FOCAD: variants seen among roughly 807,000 people sequenced by gnomAD.
FOCAD encodes the protein focadhesin, also known as KIAA1797.
Under a neutral mutation model 225.6 loss-of-function variants are expected in FOCAD, and 198 were observed. That is an observed-to-expected ratio of 0.88 (90% CI 0.78 to 0.99). FOCAD has a LOEUF of 0.99. Among genes scored for constraint, FOCAD ranks in the 50% least tolerant of loss-of-function variants. FOCAD has a pLI of 0.00. For missense variants in FOCAD, 2,713 were observed against 2,123.6 expected (o/e 1.28, Z -5.46); for synonymous variants, 897 against 755.0 (o/e 1.19, Z -3.08).
chr9:20,815,137 G>GTTTTTTTTTTTTTTTTTTTTTT lies in FOCAD; in HGVS notation c.1456-4642_1456-4641insTTTTTTTTTTTTTTTTTTTTTT, dbSNP rs71334555. ...TACTTCTCTTTGTTTTTTTTTTTTT[G>GTTTTTTTTTTTTTTTTTTTTTT]TTTTTTTTTTTTTTTTTGAGACAGT... On this transcript the variant is annotated intron_variant, in intron 11 of 43. Coordinates refer to ENST00000338382, the MANE Select transcript of FOCAD (RefSeq NM_001375567.1). Among the ~76,000 whole-genome samples the GTTTTTTTTTTTTTTTTTTTTTT allele has an allele frequency of 5.6e-4, 39 of 69,146 alleles. 1 individual carries two copies. The highest frequency in any genetic ancestry group is 1.7e-3 in the African/African-American group (28 of 16,592). 45.4% of individuals were successfully genotyped at this position (69,146 alleles called of 152,430 possible).
At chr9:20,868,098 C>G (rs1379182007) in intron 18 of FOCAD, among the ~76,000 whole-genome samples, 1 of 152,044 alleles carries the variant, frequency 6.6e-6, no homozygotes, top group Non-Finnish European at 1.5e-5. Context: ...TGTGTTATGA[C>G]TCATACAATT....
At chr9:20,757,244 A>G (rs2130886397) in intron 5 of FOCAD, among the ~76,000 whole-genome samples, 1 of 152,238 alleles carries the variant, frequency 6.6e-6, no homozygotes, top group East Asian at 1.9e-4. Flanking sequence ...TCTTATTTAA[A>G]TATTTTCTTG....
chr9:20,928,219 A>G (rs1164604078), intron 26 of FOCAD, among the ~76,000 whole-genome samples: 1 of 152,012 alleles, frequency 6.6e-6, no homozygotes, highest in Non-Finnish European at 1.5e-5. Context: ...GTCAGCTCTG[A>G]TTGTCTCTTA....
intron 21 of FOCAD, among the ~76,000 whole-genome samples, chr9:20,885,724 A>G (rs1831052108): frequency 6.6e-6 from 1 of 152,182 alleles, no homozygotes; most frequent in African/African-American, 2.4e-5. Flanking sequence ...TAGATGATTT[A>G]TATGAAATCT....
chr9:20,785,447 G>A (rs4978128), intron 10 of FOCAD, among the ~76,000 whole-genome samples: 127,496 of 152,038 alleles, frequency 0.84, 53,577 homozygotes, highest in Admixed American at 0.9. Context: ...TAATCTGCTT[G>A]TAGTCTCTAT....
At chr9:20,696,490 C>T in intron 1 of FOCAD, among the ~76,000 whole-genome samples, 1 of 152,288 alleles carries the variant, frequency 6.6e-6, no homozygotes, top group Non-Finnish European at 1.5e-5. Context: ...GCTTGTCCCT[C>T]TCAAAATTCA....
chr9:20,878,323 G>A (rs557917435), intron 19 of FOCAD, among the ~76,000 whole-genome samples: 2 of 152,258 alleles, frequency 1.3e-5, no homozygotes, highest in Non-Finnish European at 2.9e-5. Context: ...TTTCATTTCT[G>A]TGATCTTCAA....
chr9:20,804,096 C>T (rs999064182), intron 11 of FOCAD, among the ~76,000 whole-genome samples: 3 of 152,000 alleles, frequency 2.0e-5, no homozygotes, highest in Non-Finnish European at 4.4e-5. Context: ...GGGTTCGATT[C>T]ACACCTTTTC....
intron 1 of FOCAD, among the ~76,000 whole-genome samples, chr9:20,714,234 T>G (rs562594488): frequency 2.0e-5 from 3 of 152,332 alleles, no homozygotes; most frequent in South Asian, 2.1e-4. Flanking sequence ...AGCATTTCCT[T>G]TGAGTGTCAC....
Position 20,692,438 on chromosome 9 carries a change from C to T in FOCAD, c.-33+8145C>T, listed in dbSNP as rs181845801. ...AGTCTAAGCCCCCGTTGTTTATGTCCGGATCTTGCAGTAGCCTCTATATTA... is the reference window on the plus strand; with the variant it reads ...AGTCTAAGCCCCCGTTGTTTATGTCTGGATCTTGCAGTAGCCTCTATATTA... On this transcript the variant is annotated intron_variant, in intron 1 of 43. Transcript: ENST00000338382. Among the ~76,000 whole-genome samples the T allele has an allele frequency of 1.3e-5, 2 of 152,258 alleles. 1 individual carries two copies. Among genetic ancestry groups the T allele is most frequent in the Non-Finnish European group, 2.9e-5 (2 of 68,026 alleles).
At chr9:20,843,572 C>T (rs1314977314) in intron 15 of FOCAD, among the ~76,000 whole-genome samples, 1 of 151,916 alleles carries the variant, frequency 6.6e-6, no homozygotes, top group African/African-American at 2.4e-5. Flanking sequence ...TCTTAAATGT[C>T]TTGAGGTAGT....
intron 28 of FOCAD, among the ~76,000 whole-genome samples, chr9:20,935,652 G>T (rs1835878695): frequency 6.6e-6 from 1 of 152,182 alleles, no homozygotes; most frequent in Non-Finnish European, 1.5e-5. Context: ...ACCTGCTTCT[G>T]CCTCCCAAAG....
intron 35 of FOCAD, among the ~76,000 whole-genome samples, chr9:20,975,389 C>A (rs1461029562): frequency 6.6e-6 from 1 of 152,152 alleles, no homozygotes; most frequent in Non-Finnish European, 1.5e-5. Context: ...GATGGACTAG[C>A]TGTTACACAG....
intron 38 of FOCAD, 136 bp downstream of exon 38, chr9:20,981,822 G>C (rs1014847511): frequency 2.1e-6 from 2 of 969,300 alleles, no homozygotes; most frequent in East Asian, 2.5e-5. Context: ...TTCTTTACTA[G>C]GAGTGTATTT....
At chr9:20,869,295 C>A (rs532321777) in intron 18 of FOCAD, among the ~76,000 whole-genome samples, 1 of 151,924 alleles carries the variant, frequency 6.6e-6, no homozygotes, top group East Asian at 1.9e-4. Context: ...CTATGGAAAC[C>A]GGTGGAATAA....
At chr9:20,893,701 G>C (rs1018056230) in intron 21 of FOCAD, among the ~76,000 whole-genome samples, 1 of 151,994 alleles carries the variant, frequency 6.6e-6, no homozygotes, top group South Asian at 2.1e-4. Context: ...TGTAAAAACA[G>C]ACTTTATTTT....
intron 21 of FOCAD, among the ~76,000 whole-genome samples, chr9:20,902,701 A>G (rs1832656445): frequency 6.6e-6 from 1 of 151,884 alleles, no homozygotes; most frequent in African/African-American, 2.4e-5. Context: ...CCAATAAAGG[A>G]AAAAGTTGGG....
At position 20,729,533 on chromosome 9, in the gene FOCAD, G is replaced by T. The variant is rs535770913; in HGVS notation, c.287+8999G>T. Among the ~76,000 whole-genome samples the T allele has an allele frequency of 4.0e-4, 61 of 152,250 alleles. 2 individuals carry two copies. The South Asian group carries it at 0.012, about 31-fold the overall frequency. ...CACATTCATAGGTACTGGGGGTTGGGATTTAGATGTATCTTTTGGGGGGAC... is the reference window on the plus strand; with the variant it reads ...CACATTCATAGGTACTGGGGGTTGGTATTTAGATGTATCTTTTGGGGGGAC... On this transcript the variant is annotated intron_variant, in intron 4 of 43. Transcript: ENST00000338382.
intron 16 of FOCAD, among the ~76,000 whole-genome samples, chr9:20,863,832 A>T (rs555976634): frequency 6.6e-6 from 1 of 152,130 alleles, no homozygotes; most frequent in East Asian, 1.9e-4. Flanking sequence ...TATCTTTTGT[A>T]TTGCTTGTAC....
Sources: gnomAD v4.1 joint callset for allele counts (sites outside exome capture counted in the v4.1 genomes callset) on GRCh38, gnomAD v4.1.1 for gene constraint, MANE v1.5 for transcripts, NCBI Gene and HGNC (gene_info 2026-07-23, HGNC 2026-07-21) for gene names.